PNPLA7: variants seen among roughly 807,000 people sequenced by gnomAD.
PNPLA7 encodes the protein patatin-like phospholipase domain-containing protein 7.
In PNPLA7, 153 loss-of-function variants were observed where a neutral mutation model predicts 161.7. That is an observed-to-expected ratio of 0.95 (90% CI 0.83 to 1.08). The LOEUF (loss-of-function observed/expected upper bound fraction) is 1.08. Ranked by LOEUF, PNPLA7 falls within the 50% of genes least tolerant of loss-of-function variation. PNPLA7 has a pLI of 0.00. For synonymous variants in PNPLA7, 809 were observed against 782.1 expected, an observed-to-expected ratio of 1.03 and a Z score of -0.57; for missense variants, 1,739 against 1,856.6, an observed-to-expected ratio of 0.94 and a Z score of 1.16.
chr9:137,461,413 A>T, intron 33 of PNPLA7, 123 bp downstream of exon 33: 1 of 1,052,986 alleles, frequency 9.5e-7, no homozygotes, highest in Non-Finnish European at 1.3e-6. Flanking sequence ...CAGCTGCTGG[A>T]GCCTGGGCGT....
At chr9:137,531,136 GA>G (rs1362353564) in intron 8 of PNPLA7, among the ~76,000 whole-genome samples, 1 of 152,066 alleles carries the variant, frequency 6.6e-6, no homozygotes, top group Admixed American at 6.6e-5. Flanking sequence ...CACAAGCACA[GA>G]ACGGTTGAGA....
intron 14 of PNPLA7, among the ~76,000 whole-genome samples, chr9:137,504,772 A>G (rs1833821692): frequency 6.6e-6 from 1 of 152,184 alleles, no homozygotes; most frequent in Non-Finnish European, 1.5e-5. Context: ...GAGACAGAAA[A>G]TAACTGGGGG....
At chr9:137,497,077 C>G (rs1326848410) in intron 18 of PNPLA7, 110 bp downstream of exon 18, 1 of 1,293,154 alleles carries the variant, frequency 7.7e-7, no homozygotes, top group Non-Finnish European at 9.9e-7. Flanking sequence ...CCATCCACTC[C>G]TGGGGCTTTT....
intron 21 of PNPLA7, among the ~76,000 whole-genome samples, chr9:137,481,971 C>T (rs955827795): frequency 6.6e-6 from 1 of 152,208 alleles, no homozygotes; most frequent in African/African-American, 2.4e-5. Flanking sequence ...ATCAATGTGT[C>T]TCGTGCCTTA....
chr9:137,489,310 C>T (rs1407167601), intron 20 of PNPLA7, among the ~76,000 whole-genome samples: 1 of 152,220 alleles, frequency 6.6e-6, no homozygotes, highest in African/African-American at 2.4e-5. Context: ...ACGTTCAAAC[C>T]ACACTCCACA....
rs916276995 is a variant in PNPLA7 at position 137,461,363 on chromosome 9, A to G, written c.3841+173T>C. ...TGGTCACAGTCCCACTGCTGTGGGAACACGTGGTGCCCGGGACGGAGGAGT... is the reference window on the plus strand; with the variant it reads ...TGGTCACAGTCCCACTGCTGTGGGAGCACGTGGTGCCCGGGACGGAGGAGT... On this transcript the variant is annotated intron_variant, in intron 33 of 34. Transcript: ENST00000406427. 15 of 652,750 alleles carry G rather than the reference A, an allele frequency of 2.3e-5. No homozygotes were observed. The Admixed American group carries it at 2.7e-4, about 12-fold the overall frequency. The allele number at this position is 652,750 out of a possible 1,614,324, so 40.4% of individuals were successfully genotyped here.
rs1564346911 is a variant in PNPLA7 at position 137,520,171 on chromosome 9, G to T, written c.958-128C>A. The stretch of plus-strand genomic sequence containing the variant: ...TGTGACAGGTGTGGGCCCCTCAAAG[G>T]TGTGACAGGTGTGGGACTCTCAAAG... On this transcript the variant is annotated intron_variant, in intron 10 of 34. Transcript: ENST00000406427. The surrounding 1 kb of genome is among the most constrained non-coding windows in gnomAD (Gnocchi z 5.2). The T allele has an allele frequency of 1.5e-6, 2 of 1,319,432 alleles. No individual in the cohort carries two copies. The highest frequency in any genetic ancestry group is 2.1e-6 in the Non-Finnish European group (2 of 962,100). The allele number at this position is 1,319,432 out of a possible 1,614,324, so 81.7% of individuals were successfully genotyped here.
chr9:137,542,207 G>A (rs1836240468), intron 7 of PNPLA7, among the ~76,000 whole-genome samples: 1 of 152,220 alleles, frequency 6.6e-6, no homozygotes, highest in South Asian at 2.1e-4. Context: ...AGTGCCTCAT[G>A]CCTGTAATTC....
At chr9:137,549,051 GCCCGTGA>G (rs1836699881) in intron 1 of PNPLA7, among the ~76,000 whole-genome samples, 1 of 152,264 alleles carries the variant, frequency 6.6e-6, no homozygotes, top group African/African-American at 2.4e-5. Context: ...TCACGCGATG[GCCCGTGA>G]CCTGGTCACA....
intron 8 of PNPLA7, among the ~76,000 whole-genome samples, chr9:137,534,035 A>G (rs1218175163): frequency 5.4e-5 from 8 of 147,732 alleles, no homozygotes; most frequent in African/African-American, 2.0e-4. Context: ...TCTACTCCAG[A>G]TGGGAGCACC....
At chr9:137,504,886 A>T (rs1833827886) in intron 14 of PNPLA7, among the ~76,000 whole-genome samples, 1 of 152,044 alleles carries the variant, frequency 6.6e-6, no homozygotes, top group Non-Finnish European at 1.5e-5. Context: ...CTGTCTTTTT[A>T]CCTATTTAAA....
rs1368093742 is a variant in PNPLA7, at chr9:137,543,718, C to T, written c.365+6G>A. 1 of 1,613,918 alleles carries T rather than the reference C, an allele frequency of 6.2e-7. No homozygotes were observed. The highest frequency in any genetic ancestry group is 8.5e-7 in the Non-Finnish European group (1 of 1,179,850). On this transcript the variant is annotated splice_donor_region_variant and intron_variant, in intron 5 of 34. Coordinates refer to ENST00000406427, the MANE Select transcript of PNPLA7 (RefSeq NM_001098537.3). The surrounding 1 kb of genome is among the most constrained non-coding windows in gnomAD (Gnocchi z 6.9). ...GGCAGGATGTGGTCTGAAGGACACA[C>T]AGTACCTCTTGGCCAAAGACAGCAC...
chr9:137,480,000 A>C, intron 23 of PNPLA7: 1 of 761,064 alleles, frequency 1.3e-6, no homozygotes. Context: ...AGATGACACA[A>C]AATAGGGCAC....
chr9:137,514,961 C>T (rs747771643), intron 12 of PNPLA7, among the ~76,000 whole-genome samples: 97 of 152,176 alleles, frequency 6.4e-4, no homozygotes, highest in Non-Finnish European at 1.3e-3. Flanking sequence ...TTTTGCTACA[C>T]ATCAGTTACA....
chr9:137,464,623 G>C (rs757825743), intron 26 of PNPLA7, 167 bp from the exon 27 acceptor site: 1 of 654,528 alleles, frequency 1.5e-6, no homozygotes. Context: ...GCCTCAGAGT[G>C]AGCAGAGGCT....
At chr9:137,522,053 AT>A (rs1164334050) in intron 9 of PNPLA7, among the ~76,000 whole-genome samples, 1 of 152,144 alleles carries the variant, frequency 6.6e-6, no homozygotes, top group Non-Finnish European at 1.5e-5. Context: ...GATTGTGAAC[AT>A]TCATTTTTAT....
chr9:137,541,163 C>A lies in PNPLA7; in HGVS notation c.667-441G>T, dbSNP rs1836180719. Among the ~76,000 whole-genome samples the A allele has an allele frequency of 6.6e-6, 1 of 152,236 alleles. No homozygotes were observed. Among genetic ancestry groups the A allele is most frequent in the Admixed American group, 6.5e-5 (1 of 15,288 alleles). On this transcript the variant is annotated intron_variant, in intron 7 of 34. Transcript: ENST00000406427. The surrounding 1 kb of genome is among the most constrained non-coding windows in gnomAD (Gnocchi z 4.4). ...TAACAAAGTAAGCACTTCATCTCAGCTTGACCCAGGAAAATTCTTTATGAA... is the reference window on the plus strand; with the variant it reads ...TAACAAAGTAAGCACTTCATCTCAGATTGACCCAGGAAAATTCTTTATGAA...
Position 137,462,246 on chromosome 9 carries a change from C to G in PNPLA7, c.3578G>C (p.Cys1193Ser). 4 of 1,610,648 alleles carry G rather than the reference C, an allele frequency of 2.5e-6. No homozygotes were observed. The highest frequency in any genetic ancestry group is 3.4e-6 in the Non-Finnish European group (4 of 1,178,498). Residue 1193 changes from cysteine to serine, a missense_variant, in exon 31 of 35, where the codon TGC (cysteine) becomes TCC (serine). By Grantham distance (112) the Cys-to-Ser change is moderately radical (BLOSUM62 -1). Around this residue, in one of 6 missense-constraint regions of PNPLA7, gnomAD observed 703 missense variants for 694.6 expected, o/e 1.01. Coordinates refer to ENST00000406427, the MANE Select transcript of PNPLA7 (RefSeq NM_001098537.3). ...QLEVVKSSDY[C>S]EYLRPPIDSY... The stretch of plus-strand genomic sequence containing the variant: ...GTCGATGGGGGGGCGCAGGTACTCG[C>G]AGTAGTCACTGCTCTTCACCACCTC...
At chr9:137,529,253 C>A (rs1835453982) in intron 8 of PNPLA7, among the ~76,000 whole-genome samples, 1 of 152,204 alleles carries the variant, frequency 6.6e-6, no homozygotes, top group South Asian at 2.1e-4. Context: ...CCTGAGCCTC[C>A]CACAGTGCTG....
Sources: allele counts gnomAD v4.1 joint callset (sites outside exome capture counted in the v4.1 genomes callset), GRCh38; gene constraint gnomAD v4.1.1; regional missense constraint gnomAD v4.1.1; non-coding constraint Gnocchi (gnomAD v3.1); transcripts MANE v1.5; gene names NCBI Gene and HGNC (gene_info 2026-07-23, HGNC 2026-07-21).